Variants in EPB41 observed in about 807,000 individuals in gnomAD.
EPB41 encodes the protein erythrocyte membrane protein band 4.1, also known as protein 4.1.
A neutral mutation model predicts 108.0 loss-of-function variants in EPB41; 65 were observed. That is an observed-to-expected ratio of 0.60 (90% CI 0.49 to 0.74). The LOEUF (loss-of-function observed/expected upper bound fraction) is 0.74, where lower values mean the gene tolerates loss of function less well. Ranked by LOEUF, EPB41 falls within the 30% of genes least tolerant of loss-of-function variation. The pLI is 0.00. For synonymous variants in EPB41, 336 were observed against 358.9 expected (o/e 0.94, Z 0.72); for missense variants, 875 against 1,037.0 (o/e 0.84, Z 2.15).
At chr1:29,013,069 A>T (rs1303768710) in intron 5 of EPB41, among the ~76,000 whole-genome samples, 1 of 151,668 alleles carries the variant, frequency 6.6e-6, no homozygotes, top group Non-Finnish European at 1.5e-5. Flanking sequence ...CTGGGTATTT[A>T]AAAAAAAATC....
chr1:29,052,570 T>C (rs1233095809), intron 11 of EPB41, among the ~76,000 whole-genome samples: 1 of 152,202 alleles, frequency 6.6e-6, no homozygotes, highest in Non-Finnish European at 1.5e-5. Flanking sequence ...CATCAGAAAG[T>C]AGTTCATGTC....
chr1:29,044,750 G>A (rs1642649563), intron 11 of EPB41, among the ~76,000 whole-genome samples: 1 of 152,216 alleles, frequency 6.6e-6, no homozygotes, highest in South Asian at 2.1e-4. Flanking sequence ...TACTCAGGAC[G>A]CTGAGGCAGG....
At chr1:28,942,089 A>AAT (rs1270635907) in intron 1 of EPB41, among the ~76,000 whole-genome samples, 10 of 152,132 alleles carry the variant, frequency 6.6e-5, no homozygotes, top group Admixed American at 2.6e-4. Context: ...TATTTGGAAA[A>AAT]GTACAGAGAT....
At chr1:29,031,021 C>T (rs1446613849) in intron 8 of EPB41, among the ~76,000 whole-genome samples, 1 of 151,972 alleles carries the variant, frequency 6.6e-6, no homozygotes, top group Non-Finnish European at 1.5e-5. Context: ...CGGGGTTTCA[C>T]CGTGGTCTCG....
intron 8 of EPB41, chr1:29,031,747 T>G (rs569825683): frequency 6.6e-6 from 1 of 152,278 alleles, no homozygotes; most frequent in South Asian, 2.1e-4. Context: ...CCTAACAGAA[T>G]GAATCCTTAA....
chr1:29,102,322 A>C (rs879789449), intron 17 of EPB41, among the ~76,000 whole-genome samples: 5 of 152,174 alleles, frequency 3.3e-5, no homozygotes, highest in Non-Finnish European at 7.3e-5. Context: ...AGCATGGTGC[A>C]CTATGGTGGT....
chr1:28,977,053 A>C (rs2095623174), intron 1 of EPB41, among the ~76,000 whole-genome samples: 1 of 152,052 alleles, frequency 6.6e-6, no homozygotes, highest in African/African-American at 2.4e-5. Flanking sequence ...GAGTTTCACC[A>C]TGTTGGCCAA....
chr1:28,934,666 T>TTTGTGTGTGTGTGTGTG lies in EPB41; in HGVS notation c.-8+19899_-8+19900insTGTGTGTGTGTGTGTGT, dbSNP rs1553174370. Among the ~76,000 whole-genome samples, 153 of 136,390 alleles carry TTTGTGTGTGTGTGTGTG rather than the reference T, an allele frequency of 1.1e-3. 2 individuals carry two copies. The highest frequency in any genetic ancestry group is 6.6e-3 in the East Asian group (31 of 4,712). The allele number at this position is 136,390 out of a possible 152,430, so 89.5% of individuals were successfully genotyped here. On this transcript the variant is annotated intron_variant, in intron 1 of 20. Transcript: ENST00000343067. ...TGGTTGGCCTCTGGTTCTTTTGACATTGTGTGTGTGTGTGTGTGTGTGTGT... is the reference window on the plus strand; with the variant it reads ...TGGTTGGCCTCTGGTTCTTTTGACATTTGTGTGTGTGTGTGTGTGTGTGTGTGTGTGTGTGTGTGTGT...
Position 28,987,914 on chromosome 1 carries a change from G to A in EPB41, c.468+9G>A, listed in dbSNP as rs1264569903. 6.2e-7 allele frequency: 1 copy of A among 1,613,360 alleles called. No homozygotes were observed. Among genetic ancestry groups the A allele is most frequent in the Non-Finnish European group, 8.5e-7 (1 of 1,179,230 alleles). Reference sequence around the variant, plus strand: ...GCAGTGCAGAAACACAGGTAAGGATGTGTGGATATGGGAGGTGGGCAAAGG... The same window carrying A: ...GCAGTGCAGAAACACAGGTAAGGATATGTGGATATGGGAGGTGGGCAAAGG... On this transcript the variant is annotated intron_variant, in intron 2 of 20. Coordinates refer to ENST00000343067, the MANE Select transcript of EPB41 (RefSeq NM_001376013.1).
intron 1 of EPB41, among the ~76,000 whole-genome samples, chr1:28,954,845 G>A (rs576314129): frequency 2.6e-5 from 4 of 152,256 alleles, no homozygotes; most frequent in African/African-American, 9.6e-5. Context: ...ACCTTAATTA[G>A]TAACCATTAA....
At chr1:28,960,636 A>T (rs914981890) in intron 1 of EPB41, among the ~76,000 whole-genome samples, 2 of 151,338 alleles carry the variant, frequency 1.3e-5, no homozygotes, top group African/African-American at 4.9e-5. Context: ...AGGCTGTGGT[A>T]GGAGGATCAT....
chr1:29,108,888 G>GAA (rs35276284), intron 17 of EPB41, among the ~76,000 whole-genome samples: 2 of 132,240 alleles, frequency 1.5e-5, no homozygotes, highest in Non-Finnish European at 1.6e-5. Flanking sequence ...AGGTTACCCT[G>GAA]AAAAAAAAAA....
intron 1 of EPB41, among the ~76,000 whole-genome samples, chr1:28,965,980 A>G (rs916274908): frequency 1.3e-5 from 2 of 152,012 alleles, no homozygotes; most frequent in African/African-American, 4.8e-5. Context: ...GTCAGGAGTT[A>G]GAAACCAGCC....
intron 17 of EPB41, among the ~76,000 whole-genome samples, chr1:29,099,256 G>C (rs951392063): frequency 4.2e-5 from 6 of 144,264 alleles, no homozygotes; most frequent in Non-Finnish European, 9.0e-5. Context: ...AGCCGAGATT[G>C]CTCCACTGCA....
chr1:28,985,690 A>G (rs1476803482), intron 1 of EPB41: 1 of 152,232 alleles, frequency 6.6e-6, no homozygotes, highest in African/African-American at 2.4e-5. Context: ...GTTAACATCC[A>G]GATAAAGTTA....
intron 7 of EPB41, among the ~76,000 whole-genome samples, chr1:29,025,879 T>A (rs972718789): frequency 6.6e-6 from 1 of 150,646 alleles, no homozygotes; most frequent in Non-Finnish European, 1.5e-5. Flanking sequence ...GAGTCAGAGC[T>A]CAAGTGGATG....
chr1:28,945,181 C>T (rs1052236312), intron 1 of EPB41, among the ~76,000 whole-genome samples: 8 of 151,548 alleles, frequency 5.3e-5, no homozygotes, highest in African/African-American at 1.9e-4. Context: ...ATTGTTCTTA[C>T]TAATAATGAT....
chr1:28,983,975 G>A (rs1336278018), intron 1 of EPB41, among the ~76,000 whole-genome samples: 2 of 150,516 alleles, frequency 1.3e-5, no homozygotes, highest in East Asian at 3.9e-4. Context: ...TAAATACAGG[G>A]GATTTTATTG....
chr1:29,023,546 G>C (rs1445317181), intron 7 of EPB41, among the ~76,000 whole-genome samples: 1 of 151,572 alleles, frequency 6.6e-6, no homozygotes, highest in Non-Finnish European at 1.5e-5. Flanking sequence ...AATCAGCCGG[G>C]CATGGTAGCA....
Sources: allele counts gnomAD v4.1 joint callset (sites outside exome capture counted in the v4.1 genomes callset), GRCh38; gene constraint gnomAD v4.1.1; transcripts MANE v1.5; gene names NCBI Gene and HGNC (gene_info 2026-07-23, HGNC 2026-07-21).